AFF3: variants seen among roughly 807,000 people sequenced by gnomAD.
AFF3 encodes ALF transcription elongation factor 3, also known as AF4/FMR2 family member 3.
A neutral mutation model predicts 129.7 loss-of-function variants in AFF3; 32 were observed. That is an observed-to-expected ratio of 0.25 (90% CI 0.19 to 0.33). The LOEUF is 0.33. Among genes scored for constraint, AFF3 ranks in the 10% least tolerant of loss-of-function variants. AFF3 has a pLI of 1.00. For synonymous variants in AFF3, 644 were observed against 635.4 expected (o/e 1.01, Z -0.20); for missense variants, 1,373 against 1,592.0 (o/e 0.86, Z 2.34).
At chr2:99,864,273 G>A (rs1691214004) in intron 7 of AFF3, among the ~76,000 whole-genome samples, 1 of 152,126 alleles carries the variant, frequency 6.6e-6, no homozygotes. Context: ...GATCCCACTG[G>A]TGGACCTCCA....
chr2:99,573,827 C>T (rs555946365), intron 18 of AFF3, among the ~76,000 whole-genome samples: 1 of 152,290 alleles, frequency 6.6e-6, no homozygotes, highest in East Asian at 1.9e-4. Context: ...CTGATTGTGA[C>T]TGACTTTTCC....
chr2:99,699,119 A>G (rs991153406), intron 11 of AFF3, among the ~76,000 whole-genome samples: 1 of 152,184 alleles, frequency 6.6e-6, no homozygotes, highest in African/African-American at 2.4e-5. Context: ...AAATGATGCA[A>G]TCATTTTGGG....
At chr2:99,574,358 T>G (rs547375615) in intron 18 of AFF3, among the ~76,000 whole-genome samples, 1 of 152,312 alleles carries the variant, frequency 6.6e-6, no homozygotes, top group Non-Finnish European at 1.5e-5. Flanking sequence ...AAAATAAATG[T>G]TATTCTTCTC....
chr2:99,947,268 C>T (rs1029004305), intron 7 of AFF3, among the ~76,000 whole-genome samples: 1 of 152,084 alleles, frequency 6.6e-6, no homozygotes, highest in Admixed American at 6.6e-5. Context: ...TGATAAAACC[C>T]CGTCTCTACT....
chr2:99,948,735 G>A (rs77976845), intron 7 of AFF3, among the ~76,000 whole-genome samples: 1 of 151,998 alleles, frequency 6.6e-6, no homozygotes. Flanking sequence ...CAAATCAGCA[G>A]TCCATGTAGA....
At chr2:99,777,947 CA>C (rs576434643) in intron 8 of AFF3, among the ~76,000 whole-genome samples, 8,640 of 48,506 alleles carry the variant, frequency 0.18, 97 homozygotes, top group South Asian at 0.21. Flanking sequence ...AAAGCAAAAG[CA>C]AAAAAAAAAA....
intron 4 of AFF3, among the ~76,000 whole-genome samples, chr2:100,053,671 A>G (rs1322370187): frequency 1.3e-5 from 2 of 152,204 alleles, no homozygotes; most frequent in African/African-American, 2.4e-5. Flanking sequence ...TGATTCAAGA[A>G]GAGGAGGCCA....
At chr2:99,825,871 C>T (rs1688042848) in intron 8 of AFF3, among the ~76,000 whole-genome samples, 2 of 152,200 alleles carry the variant, frequency 1.3e-5, no homozygotes, top group African/African-American at 4.8e-5. Context: ...GGTAGCACAA[C>T]AGTCTTGGCA....
chr2:99,796,013 T>C (rs1685538454), intron 8 of AFF3, among the ~76,000 whole-genome samples: 1 of 152,176 alleles, frequency 6.6e-6, no homozygotes, highest in Non-Finnish European at 1.5e-5. Context: ...TTGTTTAGTA[T>C]CTATATTCTT....
At chr2:99,699,294 G>A (rs1676606722) in intron 11 of AFF3, among the ~76,000 whole-genome samples, 1 of 152,282 alleles carries the variant, frequency 6.6e-6, no homozygotes, top group East Asian at 1.9e-4. Flanking sequence ...GGTTTCTGAT[G>A]GGCACCCTTT....
intron 7 of AFF3, among the ~76,000 whole-genome samples, chr2:99,907,624 G>A (rs767219969): frequency 1.3e-5 from 2 of 150,940 alleles, no homozygotes; most frequent in Non-Finnish European, 3.0e-5. Flanking sequence ...AGGAATTCTG[G>A]TTTTTTTCTT....
intron 7 of AFF3, among the ~76,000 whole-genome samples, chr2:99,911,125 G>T (rs1337754150): frequency 6.6e-6 from 1 of 152,206 alleles, no homozygotes; most frequent in Non-Finnish European, 1.5e-5. Context: ...GGCTTCCTGG[G>T]GCGGAGCACC....
chr2:99,773,142 C>G (rs901047153), intron 8 of AFF3, among the ~76,000 whole-genome samples: 1 of 152,210 alleles, frequency 6.6e-6, no homozygotes, highest in African/African-American at 2.4e-5. Context: ...AACACCTGCT[C>G]ACTGCCTCCT....
chr2:99,937,628 A>G (rs965077108), intron 7 of AFF3, among the ~76,000 whole-genome samples: 1 of 152,114 alleles, frequency 6.6e-6, no homozygotes, highest in African/African-American at 2.4e-5. Flanking sequence ...CGAACTCCTG[A>G]CCTTGTGATC....
chr2:100,082,106 A>G (rs1689085676), intron 4 of AFF3, among the ~76,000 whole-genome samples: 1 of 152,256 alleles, frequency 6.6e-6, no homozygotes, highest in African/African-American at 2.4e-5. Context: ...GCCAAATTAC[A>G]TAAGCATTTC....
chr2:100,004,182 T>C (rs1232057154), intron 7 of AFF3, among the ~76,000 whole-genome samples: 3 of 152,246 alleles, frequency 2.0e-5, no homozygotes, highest in South Asian at 2.1e-4. Context: ...TCAAAAACCA[T>C]AGTCAAGTAA....
intron 7 of AFF3, among the ~76,000 whole-genome samples, chr2:99,988,308 A>G (rs1311624413): frequency 6.6e-6 from 1 of 152,208 alleles, no homozygotes; most frequent in East Asian, 1.9e-4. Flanking sequence ...GAGTAGATGC[A>G]TATTTCTGGT....
chr2:99,822,890 G>A (rs948963283), intron 8 of AFF3, among the ~76,000 whole-genome samples: 1 of 152,156 alleles, frequency 6.6e-6, no homozygotes, highest in Admixed American at 6.5e-5. Context: ...AGGAAAACAA[G>A]GAAACTGTAA....
chr2:100,026,847 A>G (rs1287403926), intron 4 of AFF3, among the ~76,000 whole-genome samples: 4 of 151,128 alleles, frequency 2.6e-5, no homozygotes, highest in African/African-American at 7.3e-5. Context: ...ATCAAACACC[A>G]TATGTTCTCA....
Sources: gnomAD v4.1 joint callset for allele counts (sites outside exome capture counted in the v4.1 genomes callset) on GRCh38, gnomAD v4.1.1 for gene constraint, MANE v1.5 for transcripts, NCBI Gene and HGNC (gene_info 2026-07-23, HGNC 2026-07-21) for gene names.